Variants in CSMD1 observed in about 807,000 individuals in gnomAD.
CSMD1 encodes CUB and Sushi multiple domains 1, also known as CUB and sushi domain-containing protein 1.
In CSMD1, 213 loss-of-function variants were observed where a neutral mutation model predicts 417.5. The ratio of observed to expected loss-of-function variants is 0.51; its 90% CI spans 0.46 to 0.57. The LOEUF is 0.57. Ranked by LOEUF, CSMD1 falls within the 20% of genes least tolerant of loss-of-function variation. CSMD1 has a pLI of 0.00. For missense variants in CSMD1, 6,923 were observed against 4,529.7 expected (o/e 1.53, Z -15.17); for synonymous variants, 2,862 against 1,736.8 (o/e 1.65, Z -16.11).
intron 1 of CSMD1, among the ~76,000 whole-genome samples, chr8:4,982,516 CTCT>C (rs964525322): frequency 1.9e-4 from 29 of 152,304 alleles, no homozygotes; most frequent in Middle Eastern, 3.4e-3. Flanking sequence ...TGGCTCAAAT[CTCT>C]TCTTCTGATT....
At chr8:3,481,440 G>A (rs1034481961) in intron 11 of CSMD1, among the ~76,000 whole-genome samples, 2 of 152,138 alleles carry the variant, frequency 1.3e-5, no homozygotes, top group Admixed American at 1.3e-4. Context: ...GGCCCTAAAT[G>A]CAAGTGCAGT....
intron 10 of CSMD1, among the ~76,000 whole-genome samples, chr8:3,558,745 A>C (rs1445627938): frequency 6.6e-6 from 1 of 150,860 alleles, no homozygotes; most frequent in Non-Finnish European, 1.5e-5. Context: ...TCACTCCTCC[A>C]ATGATGAATA....
Position 3,664,169 on chromosome 8 carries a change from C to T in CSMD1, c.1009+44245G>A, listed in dbSNP as rs373190468. ...TTAACATTAGGTATTTCCCCTAATA[C>T]TATCCCTACCCTAGACCCCCACCCC... On this transcript the variant is annotated intron_variant, in intron 7 of 69. Coordinates refer to ENST00000635120, the MANE Select transcript of CSMD1 (RefSeq NM_033225.6). Among the ~76,000 whole-genome samples the T allele has an allele frequency of 1.4e-4, 21 of 152,234 alleles. No homozygotes were observed. In the East Asian group the frequency reaches 3.5e-3, roughly 25 times the overall value.
chr8:4,835,447 T>C (rs1800422348), intron 1 of CSMD1, among the ~76,000 whole-genome samples: 1 of 152,168 alleles, frequency 6.6e-6, no homozygotes, highest in Non-Finnish European at 1.5e-5. Context: ...CTAGTTATTT[T>C]GGAACTAAAG....
At chr8:4,438,475 C>T (rs558557579) in intron 2 of CSMD1, among the ~76,000 whole-genome samples, 4 of 152,322 alleles carry the variant, frequency 2.6e-5, no homozygotes, top group African/African-American at 9.6e-5. Context: ...AATGGACCAA[C>T]GCTTGGGTTC....
chr8:3,733,733 T>C (rs1796386602), intron 6 of CSMD1, among the ~76,000 whole-genome samples: 1 of 152,106 alleles, frequency 6.6e-6, no homozygotes, highest in Non-Finnish European at 1.5e-5. Context: ...GGGGTTGTGG[T>C]GTCTGTGTTC....
At chr8:3,677,615 A>G (rs1247788601) in intron 7 of CSMD1, among the ~76,000 whole-genome samples, 1 of 151,976 alleles carries the variant, frequency 6.6e-6, no homozygotes, top group South Asian at 2.1e-4. Flanking sequence ...TGAGTTTAGA[A>G]CCTCTCTTTT....
chr8:3,475,039 C>T (rs1441974162), intron 11 of CSMD1, among the ~76,000 whole-genome samples: 1 of 152,134 alleles, frequency 6.6e-6, no homozygotes, highest in African/African-American at 2.4e-5. Context: ...TATTTTTCCC[C>T]ATTCTCCAGA....
intron 2 of CSMD1, among the ~76,000 whole-genome samples, chr8:4,453,260 T>C (rs1165579752): frequency 6.6e-6 from 1 of 151,050 alleles, no homozygotes; most frequent in Non-Finnish European, 1.5e-5. Context: ...CTCCTAGCTG[T>C]ACCTAATGTA....
At position 3,808,642 on chromosome 8, in the gene CSMD1, G is replaced by C. The variant is rs1800886677; in HGVS notation, c.819-54600C>G. On this transcript the variant is annotated intron_variant, in intron 5 of 69. Coordinates refer to ENST00000635120, the MANE Select transcript of CSMD1 (RefSeq NM_033225.6). ...TACTATTGCATCAGAGATAGTTCCT[G>C]AGCCCAAGGGACTTAGGTCTTGTTT... Among the ~76,000 whole-genome samples, 3 of 152,160 alleles carry C rather than the reference G, an allele frequency of 2.0e-5. No individual in the cohort carries two copies. In the South Asian group the frequency reaches 6.2e-4, roughly 32 times the overall value.
At chr8:4,848,662 C>T (rs1801289149) in intron 1 of CSMD1, among the ~76,000 whole-genome samples, 1 of 151,918 alleles carries the variant, frequency 6.6e-6, no homozygotes, top group African/African-American at 2.4e-5. Flanking sequence ...GGCTCTGCCT[C>T]TCGAGTAGCT....
At chr8:4,970,547 A>G (rs4537322) in intron 1 of CSMD1, among the ~76,000 whole-genome samples, 102,754 of 151,668 alleles carry the variant, frequency 0.68, 35,480 homozygotes, top group Middle Eastern at 0.82. Flanking sequence ...GTAACTTTGG[A>G]CAACAGGTGG....
intron 2 of CSMD1, among the ~76,000 whole-genome samples, chr8:4,549,510 T>A (rs1797772598): frequency 6.6e-6 from 1 of 152,114 alleles, no homozygotes; most frequent in African/African-American, 2.4e-5. Context: ...AACCTACAGA[T>A]AATTTTGCAA....
intron 12 of CSMD1, among the ~76,000 whole-genome samples, chr8:3,440,820 G>A (rs991412890): frequency 6.6e-6 from 1 of 152,166 alleles, no homozygotes; most frequent in African/African-American, 2.4e-5. Context: ...ATCACAAACT[G>A]AGGACGACCC....
intron 10 of CSMD1, among the ~76,000 whole-genome samples, chr8:3,553,883 T>A (rs573979808): frequency 3.3e-5 from 5 of 152,136 alleles, no homozygotes; most frequent in African/African-American, 1.2e-4. Flanking sequence ...CACATACATA[T>A]CCACAACAGT....
chr8:3,814,553 A>C (rs1041956502), intron 5 of CSMD1, among the ~76,000 whole-genome samples: 3 of 152,170 alleles, frequency 2.0e-5, no homozygotes, highest in East Asian at 1.9e-4. Context: ...TGGTTGTGAT[A>C]TCAGGGTGGA....
intron 3 of CSMD1, among the ~76,000 whole-genome samples, chr8:4,035,108 G>A (rs1000114188): frequency 2.0e-5 from 3 of 152,146 alleles, no homozygotes; most frequent in Non-Finnish European, 2.9e-5. Context: ...GTTGTGAGCT[G>A]CCTAACAACA....
chr8:3,920,590 A>G (rs1043977272), intron 5 of CSMD1, among the ~76,000 whole-genome samples: 1 of 152,142 alleles, frequency 6.6e-6, no homozygotes, highest in Non-Finnish European at 1.5e-5. Flanking sequence ...GCTTTTCATC[A>G]TTATGTACAT....
chr8:4,441,209 G>T (rs549338581), intron 2 of CSMD1, among the ~76,000 whole-genome samples: 1 of 135,612 alleles, frequency 7.4e-6, no homozygotes, highest in African/African-American at 2.8e-5. Context: ...AGCAATCCTC[G>T]CACGTCAGCC....
Sources: allele counts gnomAD v4.1 joint callset (sites outside exome capture counted in the v4.1 genomes callset), GRCh38; gene constraint gnomAD v4.1.1; transcripts MANE v1.5; gene names NCBI Gene and HGNC (gene_info 2026-07-23, HGNC 2026-07-21).